The following DMD variants were observed in gnomAD, a reference collection of about 807,000 sequenced individuals.
The protein encoded by DMD is dystrophin.
A neutral mutation model predicts 330.1 loss-of-function variants in DMD; 63 were observed. That is an observed-to-expected ratio of 0.19 (90% CI 0.16 to 0.24). The LOEUF (loss-of-function observed/expected upper bound fraction) is 0.24, where lower values mean the gene tolerates loss of function less well. DMD is among the 10% of genes least tolerant of loss of function. The probability of loss-of-function intolerance (pLI) is 1.00; values close to 1 mark genes in which losing one functional copy is unlikely to be tolerated. For missense variants in DMD, 3,344 were observed against 2,684.1 expected, an observed-to-expected ratio of 1.25 and a Z score of -5.43; for synonymous variants, 1,223 against 959.8, an observed-to-expected ratio of 1.27 and a Z score of -5.07.
intron 47 of DMD, among the ~76,000 whole-genome samples, chrX:31,911,227 A>G (rs1014018775): frequency 7.1e-5 from 8 of 112,362 alleles, no homozygotes; most frequent in African/African-American, 2.6e-4. Flanking sequence ...ATAGAAGCTT[A>G]TAATGTATTG....
At position 33,039,737 on chromosome X, in the gene DMD, C is replaced by T. The variant is rs1056163692; in HGVS notation, c.32-19537G>A. 3.6e-5 allele frequency among the ~76,000 whole-genome samples: 4 copies of T among 110,911 alleles called. No homozygotes were observed. In the Admixed American group the frequency reaches 3.9e-4, roughly 11 times the overall value. On this transcript the variant is annotated intron_variant, in intron 1 of 78. Transcript: ENST00000357033. ...AGGGTAACTGTAATGATTAACATGT[C>T]GAATGTGGATATCCCAAGAGGGTAA...
chrX:32,283,296 G>C (rs1316505034), intron 43 of DMD, among the ~76,000 whole-genome samples: 1 of 111,816 alleles, frequency 8.9e-6, no homozygotes, highest in Non-Finnish European at 1.9e-5. Context: ...GCAAGTTCTA[G>C]GGTGATTTGT....
At chrX:33,042,678 A>T (rs6628770) in intron 1 of DMD, among the ~76,000 whole-genome samples, 15,832 of 111,911 alleles carry the variant, frequency 0.14, 984 homozygotes, top group East Asian at 0.45. Context: ...TGAAGGGTAT[A>T]TGTTTGCTAA....
intron 1 of DMD, chrX:33,159,641 T>G (rs916050104): frequency 3.6e-5 from 4 of 112,107 alleles, no homozygotes; most frequent in Admixed American, 9.5e-5. Flanking sequence ...CTGTGTAGTA[T>G]TCCATGGTGT....
intron 44 of DMD, among the ~76,000 whole-genome samples, chrX:32,175,296 A>T (rs1350595124): frequency 9.1e-6 from 1 of 109,977 alleles, no homozygotes; most frequent in African/African-American, 3.4e-5. Flanking sequence ...AAAACGCACC[A>T]ATCAGCGCTC....
intron 40 of DMD, chrX:32,342,810 G>A (rs1338349856): frequency 2.8e-6 from 1 of 363,571 alleles, no homozygotes; most frequent in Admixed American, 3.1e-5. Flanking sequence ...GGGCTAACAT[G>A]AGTAAGAAGT....
chrX:32,657,990 A>G lies in DMD; in HGVS notation c.961-12838T>C, dbSNP rs1337851012. Among the ~76,000 whole-genome samples the G allele has an allele frequency of 1.3e-4, 15 of 111,623 alleles. No homozygotes were observed. The Admixed American group carries it at 1.4e-3, about 11-fold the overall frequency. ...TACATACCAAAAAAATCAAAACAAAATACACATATCTCGTGAAAACTTATT... is the reference window on the plus strand; with the variant it reads ...TACATACCAAAAAAATCAAAACAAAGTACACATATCTCGTGAAAACTTATT... On this transcript the variant is annotated intron_variant, in intron 9 of 78. Transcript: ENST00000357033.
At chrX:32,881,654 AAT>A (rs1330536662) in intron 2 of DMD, among the ~76,000 whole-genome samples, 1 of 112,219 alleles carries the variant, frequency 8.9e-6, no homozygotes, top group Non-Finnish European at 1.9e-5. Flanking sequence ...CTTTAATGGA[AAT>A]ATAAGATGTT....
chrX:31,190,129 C>A (rs1331924491), intron 67 of DMD, among the ~76,000 whole-genome samples: 1 of 112,113 alleles, frequency 8.9e-6, no homozygotes, highest in Non-Finnish European at 1.9e-5. Flanking sequence ...GGAAATATAA[C>A]AATGTTTGGA....
At chrX:32,689,325 T>A (rs1354231442) in intron 9 of DMD, among the ~76,000 whole-genome samples, 1 of 110,952 alleles carries the variant, frequency 9.0e-6, no homozygotes, top group Non-Finnish European at 1.9e-5. Context: ...AAAACATGGT[T>A]AAATTCCTAG....
chrX:32,341,323 A>G (rs1329600431), intron 41 of DMD, among the ~76,000 whole-genome samples: 1 of 111,850 alleles, frequency 8.9e-6, no homozygotes. Flanking sequence ...ACAAGTGTTA[A>G]TAATAGGAAC....
chrX:32,640,983 C>T (rs1425211213), intron 11 of DMD, among the ~76,000 whole-genome samples: 1 of 111,572 alleles, frequency 9.0e-6, no homozygotes, highest in African/African-American at 3.3e-5. Flanking sequence ...CTACAGTCCC[C>T]CTGGCCTTTT....
intron 62 of DMD, among the ~76,000 whole-genome samples, chrX:31,317,834 T>C (rs985801677): frequency 8.9e-6 from 1 of 111,880 alleles, no homozygotes; most frequent in Non-Finnish European, 1.9e-5. Flanking sequence ...TCTATGTTGA[T>C]ATCATACTCC....
At chrX:33,093,848 A>G (rs2148326595) in intron 1 of DMD, among the ~76,000 whole-genome samples, 1 of 111,503 alleles carries the variant, frequency 9.0e-6, no homozygotes, top group Admixed American at 9.6e-5. Context: ...TATATTATAT[A>G]TAGATATAAA....
At chrX:32,205,575 AAT>A (rs1569550783) in intron 44 of DMD, among the ~76,000 whole-genome samples, 17 of 111,381 alleles carry the variant, frequency 1.5e-4, no homozygotes, top group East Asian at 8.5e-4. Flanking sequence ...TAAATGTTTC[AAT>A]TGTTTAAATG....
At chrX:32,974,399 G>A (rs1375475774) in intron 2 of DMD, among the ~76,000 whole-genome samples, 3 of 110,969 alleles carry the variant, frequency 2.7e-5, no homozygotes, top group Non-Finnish European at 5.7e-5. Flanking sequence ...TGAACATACT[G>A]AAAAAACACT....
chrX:32,393,366 T>G (rs2098017650), intron 30 of DMD, among the ~76,000 whole-genome samples: 1 of 110,995 alleles, frequency 9.0e-6, no homozygotes, highest in African/African-American at 3.3e-5. Flanking sequence ...TAACAAGAAA[T>G]GTAGGTAGAA....
intron 11 of DMD, among the ~76,000 whole-genome samples, chrX:32,636,043 C>A (rs1036915616): frequency 8.9e-6 from 1 of 111,938 alleles, no homozygotes; most frequent in African/African-American, 3.3e-5. Context: ...CCTGACACTG[C>A]ATGGTGTCAC....
At chrX:32,629,911 A>G (rs765043957) in intron 11 of DMD, among the ~76,000 whole-genome samples, 3 of 110,199 alleles carry the variant, frequency 2.7e-5, no homozygotes, top group Non-Finnish European at 5.7e-5. Flanking sequence ...GTTATTTTTG[A>G]TAGGTTCGTC....
Sources: gnomAD v4.1 joint callset for allele counts (sites outside exome capture counted in the v4.1 genomes callset) on GRCh38, gnomAD v4.1.1 for gene constraint, MANE v1.5 for transcripts, NCBI Gene and HGNC (gene_info 2026-07-23, HGNC 2026-07-21) for gene names.